The following ASIP variants were observed in gnomAD, a reference collection of about 807,000 sequenced individuals.
ASIP encodes agouti-signaling protein.
ASIP carries 11 observed loss-of-function variants against 10.3 expected under a neutral mutation model. That is an observed-to-expected ratio of 1.07 (90% CI 0.68 to 1.78). The LOEUF (loss-of-function observed/expected upper bound fraction) is 1.78, where lower values mean the gene tolerates loss of function less well. Ranked by LOEUF, ASIP falls within the 40% of genes most tolerant of loss-of-function variation. The probability of loss-of-function intolerance (pLI) is 0.00; values close to 1 mark genes in which losing one functional copy is unlikely to be tolerated. For missense variants in ASIP, 180 were observed against 169.2 expected (o/e 1.06, Z -0.35); for synonymous variants, 70 against 70.8 (o/e 0.99, Z 0.06).
At chr20:34,246,191 G>T in intron 1 of ASIP, 1 of 1,298,432 alleles carries the variant, frequency 7.7e-7, no homozygotes, top group Admixed American at 2.2e-5. Context: ...AGGAATTTTG[G>T]CCTTAGTAAG....
At chr20:34,216,185 G>GGCAA (rs1008974058) in intron 1 of ASIP, among the ~76,000 whole-genome samples, 2 of 152,256 alleles carry the variant, frequency 1.3e-5, no homozygotes, top group Admixed American at 6.5e-5. Context: ...TTGAGTGGCA[G>GGCAA]GCAAGCAAGC....
At chr20:34,192,760 T>C (rs1601565951), upstream of ASIP, among the ~76,000 whole-genome samples, 2 of 152,350 alleles carry the variant, frequency 1.3e-5, no homozygotes, top group Admixed American at 6.5e-5. Flanking sequence ...AGATTGGTGA[T>C]GCATCAGATT....
chr20:34,204,038 T>C (rs2034918553), intron 1 of ASIP, among the ~76,000 whole-genome samples: 1 of 152,186 alleles, frequency 6.6e-6, no homozygotes, highest in Non-Finnish European at 1.5e-5. Flanking sequence ...ATGGCATATT[T>C]TAATGTTCAT....
chr20:34,196,193 T>TA (rs2034855580), intron 1 of ASIP, among the ~76,000 whole-genome samples: 1 of 145,816 alleles, frequency 6.9e-6, no homozygotes, highest in African/African-American at 2.6e-5. Context: ...TTTTTTTTTT[T>TA]TTTTGAGACG....
At chr20:34,216,628 T>C (rs1218362916) in intron 1 of ASIP, among the ~76,000 whole-genome samples, 1 of 152,234 alleles carries the variant, frequency 6.6e-6, no homozygotes, top group Non-Finnish European at 1.5e-5. Context: ...GGGTTAGAGC[T>C]GTCTTTCCAT....
At chr20:34,203,956 C>T (rs778109297) in intron 1 of ASIP, among the ~76,000 whole-genome samples, 12 of 152,244 alleles carry the variant, frequency 7.9e-5, no homozygotes, top group East Asian at 3.9e-4. Flanking sequence ...GAACTCCTGA[C>T]CTCAGGTGAT....
intron 1 of ASIP, among the ~76,000 whole-genome samples, chr20:34,245,057 C>G (rs560000709): frequency 6.6e-6 from 1 of 152,022 alleles, no homozygotes; most frequent in Non-Finnish European, 1.5e-5. Flanking sequence ...AGAGTCAGGC[C>G]GGGCACAGTG....
chr20:34,243,919 A>G (rs1036900739), intron 1 of ASIP, among the ~76,000 whole-genome samples: 4 of 151,946 alleles, frequency 2.6e-5, no homozygotes, highest in Non-Finnish European at 4.4e-5. Flanking sequence ...AAAAAAATTA[A>G]CCGGGCGTGG....
chr20:34,219,594 A>G (rs535768126), intron 1 of ASIP, among the ~76,000 whole-genome samples: 84 of 152,364 alleles, frequency 5.5e-4, no homozygotes, highest in Non-Finnish European at 1.1e-3. Context: ...TTTCTCTCTC[A>G]TAGTGGTCAA....
intron 3 of ASIP, among the ~76,000 whole-genome samples, chr20:34,266,674 AAAAC>A (rs139652564): frequency 3.9e-5 from 6 of 152,178 alleles, no homozygotes; most frequent in Non-Finnish European, 5.9e-5. Context: ...CTCCATCTCA[AAAAC>A]AAACAAACAA....
chr20:34,265,972 G>T (rs2035777514), intron 3 of ASIP, among the ~76,000 whole-genome samples: 1 of 151,906 alleles, frequency 6.6e-6, no homozygotes, highest in Non-Finnish European at 1.5e-5. Context: ...GCGGAGGGGG[G>T]GAAGTTAAAA....
chr20:34,213,845 A>G (rs1469557932), intron 1 of ASIP: 4 of 1,538,436 alleles, frequency 2.6e-6, no homozygotes, highest in Non-Finnish European at 3.6e-6. Context: ...GAACAGCCAC[A>G]CTGTTTCACA....
chr20:34,265,456 C>A (rs2035768107), intron 3 of ASIP, among the ~76,000 whole-genome samples: 1 of 151,814 alleles, frequency 6.6e-6, no homozygotes, highest in Non-Finnish European at 1.5e-5. Context: ...CCTGGGATAT[C>A]GAGGCTACAG....
At chr20:34,268,846 T>G in intron 3 of ASIP, 145 bp from the exon 4 acceptor site, 1 of 971,092 alleles carries the variant, frequency 1.0e-6, no homozygotes, top group Non-Finnish European at 1.5e-6. Context: ...GGAATCTGAC[T>G]GGGGGAGCGG....
chr20:34,252,728 C>T (rs909360166), intron 1 of ASIP, among the ~76,000 whole-genome samples: 1 of 152,088 alleles, frequency 6.6e-6, no homozygotes, highest in African/African-American at 2.4e-5. Flanking sequence ...TAAGGTCTTT[C>T]CTTTCCCACG....
At chr20:34,256,052 C>T (rs553090960) in intron 1 of ASIP, among the ~76,000 whole-genome samples, 2 of 152,256 alleles carry the variant, frequency 1.3e-5, no homozygotes, top group Non-Finnish European at 2.9e-5. Flanking sequence ...TGTTCCACCC[C>T]GTACACCTGG....
chr20:34,236,626 G>A (rs1412921240), upstream of ASIP, among the ~76,000 whole-genome samples: 1 of 152,066 alleles, frequency 6.6e-6, no homozygotes, highest in Admixed American at 6.5e-5. Flanking sequence ...TGGGGTGGGA[G>A]AATTGCCTGA....
At chr20:34,235,581 C>T (rs758627097) in intron 1 of ASIP, among the ~76,000 whole-genome samples, 5 of 151,938 alleles carry the variant, frequency 3.3e-5, no homozygotes, top group Non-Finnish European at 5.9e-5. Context: ...TTTCTTAGCA[C>T]GATAACAATC....
At chr20:34,263,789 C>T (rs2035738093) in intron 3 of ASIP, among the ~76,000 whole-genome samples, 2 of 151,710 alleles carry the variant, frequency 1.3e-5, no homozygotes, top group South Asian at 2.1e-4. Flanking sequence ...ATGCCTCAGC[C>T]TCCCGAGTAG....
Sources: gnomAD v4.1 joint callset for allele counts (sites outside exome capture counted in the v4.1 genomes callset) on GRCh38, gnomAD v4.1.1 for gene constraint, MANE v1.5 for transcripts, NCBI Gene and HGNC (gene_info 2026-07-23, HGNC 2026-07-21) for gene names.